Variants in TRERF1 observed in about 807,000 individuals in gnomAD.
The protein encoded by TRERF1 is transcriptional regulating factor 1.
A neutral mutation model predicts 122.9 loss-of-function variants in TRERF1; 27 were observed. The ratio of observed to expected loss-of-function variants is 0.22; its 90% CI spans 0.16 to 0.30. The LOEUF (loss-of-function observed/expected upper bound fraction) is 0.30. Ranked by LOEUF, TRERF1 falls within the 10% of genes least tolerant of loss-of-function variation. The pLI is 1.00. For missense variants in TRERF1, 1,248 were observed against 1,560.3 expected (o/e 0.80, Z 3.37); for synonymous variants, 636 against 641.7 (o/e 0.99, Z 0.13).
At chr6:42,266,188 C>CTTT (rs34950753) in intron 5 of TRERF1, among the ~76,000 whole-genome samples, 8 of 128,140 alleles carry the variant, frequency 6.2e-5, no homozygotes, top group Non-Finnish European at 9.7e-5. Flanking sequence ...TGATGGAATT[C>CTTT]TTTTTTTTTT....
At chr6:42,358,310 G>A (rs1250822798) in intron 3 of TRERF1, among the ~76,000 whole-genome samples, 1 of 152,170 alleles carries the variant, frequency 6.6e-6, no homozygotes, top group Non-Finnish European at 1.5e-5. Flanking sequence ...CAGGGTAAAC[G>A]GCTCCTTCCT....
chr6:42,380,231 G>C (rs903297487), intron 2 of TRERF1, among the ~76,000 whole-genome samples: 1 of 152,112 alleles, frequency 6.6e-6, no homozygotes, highest in African/African-American at 2.4e-5. Context: ...GGGTGGGTGG[G>C]GGTGGTGGGA....
intron 3 of TRERF1, among the ~76,000 whole-genome samples, chr6:42,341,036 A>C: frequency 6.6e-6 from 1 of 152,188 alleles, no homozygotes; most frequent in Admixed American, 6.5e-5. Context: ...CCCCGTGTAC[A>C]GTGGAGAACA....
At chr6:42,343,271 A>T (rs999669908) in intron 3 of TRERF1, among the ~76,000 whole-genome samples, 1 of 152,222 alleles carries the variant, frequency 6.6e-6, no homozygotes, top group African/African-American at 2.4e-5. Context: ...GCTTAAAAGT[A>T]ATTTCTTTAA....
intron 3 of TRERF1, among the ~76,000 whole-genome samples, chr6:42,346,676 G>C (rs1316621421): frequency 6.6e-6 from 1 of 152,122 alleles, no homozygotes; most frequent in Non-Finnish European, 1.5e-5. Context: ...GAGAGCAAGT[G>C]GCATCTAAAG....
At chr6:42,285,391 A>G (rs1783017287) in intron 4 of TRERF1, among the ~76,000 whole-genome samples, 1 of 152,208 alleles carries the variant, frequency 6.6e-6, no homozygotes, top group East Asian at 1.9e-4. Context: ...GGCTGAGACA[A>G]TGGGGTTTTC....
At chr6:42,360,182 A>G (rs1291727471) in intron 3 of TRERF1, among the ~76,000 whole-genome samples, 2 of 152,264 alleles carry the variant, frequency 1.3e-5, no homozygotes, top group African/African-American at 4.8e-5. Flanking sequence ...CGCTTGACTC[A>G]GATCACCTCA....
chr6:42,300,402 T>G (rs1228756105), intron 4 of TRERF1, among the ~76,000 whole-genome samples: 5 of 152,184 alleles, frequency 3.3e-5, no homozygotes, highest in Non-Finnish European at 5.9e-5. Context: ...GGTGGAAGAA[T>G]AATAAGAGCT....
chr6:42,378,828 T>C (rs1304758598), intron 2 of TRERF1, among the ~76,000 whole-genome samples: 1 of 152,120 alleles, frequency 6.6e-6, no homozygotes, highest in East Asian at 1.9e-4. Context: ...AAAATTTATA[T>C]ATTGTAGGCT....
At chr6:42,301,862 G>T (rs2150256917) in intron 3 of TRERF1, among the ~76,000 whole-genome samples, 1 of 152,284 alleles carries the variant, frequency 6.6e-6, no homozygotes, top group South Asian at 2.1e-4. Flanking sequence ...AGAGAGGGAG[G>T]CTAGAAAGAA....
At chr6:42,261,985 G>A (rs368876095) in intron 8 of TRERF1, among the ~76,000 whole-genome samples, 2 of 145,896 alleles carry the variant, frequency 1.4e-5, no homozygotes, top group South Asian at 4.2e-4. Context: ...TTGAAGGGGT[G>A]GGGGGGGTGT....
chr6:42,325,200 A>G (rs1434189727), intron 3 of TRERF1, among the ~76,000 whole-genome samples: 1 of 152,248 alleles, frequency 6.6e-6, no homozygotes, highest in Non-Finnish European at 1.5e-5. Context: ...CAAAGCTATA[A>G]TGAGATACCA....
intron 8 of TRERF1, among the ~76,000 whole-genome samples, chr6:42,261,176 C>A (rs1290979072): frequency 1.3e-5 from 2 of 152,104 alleles, no homozygotes; most frequent in South Asian, 2.1e-4. Context: ...AGGCCTGTGC[C>A]CCCCCCAAGG....
At chr6:42,428,036 G>A (rs1043081643) in intron 2 of TRERF1, among the ~76,000 whole-genome samples, 6 of 152,160 alleles carry the variant, frequency 3.9e-5, no homozygotes, top group South Asian at 4.1e-4. Context: ...AGCTTGGCAT[G>A]ACATCTAGGG....
chr6:42,271,873 A>G (rs1363603672), intron 4 of TRERF1, among the ~76,000 whole-genome samples: 1 of 152,214 alleles, frequency 6.6e-6, no homozygotes, highest in Non-Finnish European at 1.5e-5. Context: ...GCATAAAAAT[A>G]TATTACACAT....
intron 3 of TRERF1, among the ~76,000 whole-genome samples, chr6:42,314,050 T>A (rs1231255237): frequency 2.0e-5 from 3 of 152,202 alleles, no homozygotes; most frequent in South Asian, 4.1e-4. Flanking sequence ...CTAAAGGGTT[T>A]TTTTTTTGTG....
chr6:42,246,338 G>C, intron 14 of TRERF1, 118 bp downstream of exon 14: 9 of 804,436 alleles, frequency 1.1e-5, no homozygotes, highest in Middle Eastern at 2.5e-4. Flanking sequence ...TCACCAGCGA[G>C]TGTGGAAGAC....
chr6:42,356,071 C>T (rs1373009218), intron 3 of TRERF1, among the ~76,000 whole-genome samples: 2 of 152,208 alleles, frequency 1.3e-5, no homozygotes, highest in Non-Finnish European at 2.9e-5. Flanking sequence ...TCACCTCCAG[C>T]TCTGTGGTAA....
chr6:42,436,814 A>AAAAT (rs61427173), intron 2 of TRERF1, among the ~76,000 whole-genome samples: 61 of 66,684 alleles, frequency 9.1e-4, no homozygotes, highest in East Asian at 2.7e-3. Context: ...AAAAAAAAAA[A>AAAAT]ATATATATAT....
Sources: gnomAD v4.1 joint callset for allele counts (sites outside exome capture counted in the v4.1 genomes callset) on GRCh38, gnomAD v4.1.1 for gene constraint, MANE v1.5 for transcripts, NCBI Gene and HGNC (gene_info 2026-07-23, HGNC 2026-07-21) for gene names.